STARD13: variants seen among roughly 807,000 people sequenced by gnomAD.
STARD13 encodes the protein stAR-related lipid transfer protein 13.
A neutral mutation model predicts 106.4 loss-of-function variants in STARD13; 62 were observed. The ratio of observed to expected loss-of-function variants is 0.58; its 90% CI spans 0.48 to 0.72. The LOEUF is 0.72. Among genes scored for constraint, STARD13 ranks in the 30% least tolerant of loss-of-function variants. The pLI, the probability that STARD13 is intolerant of heterozygous loss-of-function variation, is 0.00. For missense variants in STARD13, 1,387 were observed against 1,424.0 expected (o/e 0.97, Z 0.42); for synonymous variants, 565 against 553.0 (o/e 1.02, Z -0.31).
chr13:33,264,901 T>C (rs781177394), intron 1 of STARD13, among the ~76,000 whole-genome samples: 1 of 152,152 alleles, frequency 6.6e-6, no homozygotes, highest in Non-Finnish European at 1.5e-5. Context: ...CCCGTCTTGA[T>C]GAAGAGAAAT....
chr13:33,493,627 C>CT, the STARD13 span, among the ~76,000 whole-genome samples: 1 of 152,122 alleles, frequency 6.6e-6, no homozygotes, highest in Non-Finnish European at 1.5e-5. Flanking sequence ...GAATGCTGTA[C>CT]TTTCTGCTTA....
intron 8 of STARD13, among the ~76,000 whole-genome samples, chr13:33,116,945 A>G (rs770267): frequency 0.87 from 132,830 of 152,238 alleles, 58,348 homozygotes; most frequent in African/African-American, 0.97. Context: ...CTTCAAATTG[A>G]ATCAAGTCCA....
the STARD13 span, among the ~76,000 whole-genome samples, chr13:33,533,501 A>C: frequency 6.6e-6 from 1 of 152,340 alleles, no homozygotes; most frequent in South Asian, 2.1e-4. Flanking sequence ...AATCATTCAA[A>C]GTAGAGAAGA....
chr13:33,422,064 C>G, the STARD13 span, among the ~76,000 whole-genome samples: 8 of 152,090 alleles, frequency 5.3e-5, no homozygotes, highest in Admixed American at 5.2e-4. Context: ...TTCACCATTC[C>G]TATTCAACAC....
At chr13:33,657,205 G>A in the STARD13 span, among the ~76,000 whole-genome samples, 2 of 152,222 alleles carry the variant, frequency 1.3e-5, no homozygotes, top group Non-Finnish European at 2.9e-5. Context: ...GGGAGGCAGA[G>A]CTTGCAATGA....
In STARD13 at chr13:33,127,427, C is replaced by A; in HGVS notation, c.1868G>T (p.Arg623Leu). The A allele has an allele frequency of 6.2e-7, 1 of 1,605,032 alleles. No homozygotes were observed. The highest frequency in any genetic ancestry group is 8.5e-7 in the Non-Finnish European group (1 of 1,178,370). Residue 623 changes from arginine (R) to leucine (L), a missense_variant, in exon 6 of 14, where the codon CGC becomes CTC. Physicochemically the swap from Arg to Leu is moderately radical, Grantham distance 102 (BLOSUM62 -2). Coordinates refer to ENST00000336934, the MANE Select transcript of STARD13 (RefSeq NM_178006.4). ...LSLLQRFSLLRLTAIMEKHSM... is the reference protein window; with the variant it reads ...LSLLQRFSLLLLTAIMEKHSM... ...GTGCTTCTCCATGATGGCCGTGAGG[C>A]GGAGCAGTGAGAAGCGCTGGAGCAG...
chr13:33,269,098 TA>T (rs891105178), intron 1 of STARD13, among the ~76,000 whole-genome samples: 3 of 151,832 alleles, frequency 2.0e-5, no homozygotes, highest in Non-Finnish European at 2.9e-5. Flanking sequence ...ACTCAGAAGA[TA>T]AAAAAAAGTT....
At position 33,150,722 on chromosome 13, in the gene STARD13, C is replaced by A. The variant is rs183117943; in HGVS notation, c.324-8349G>T. Among the ~76,000 whole-genome samples, 249 of 152,284 alleles carry A rather than the reference C, an allele frequency of 1.6e-3. 4 individuals are homozygous for A. Among genetic ancestry groups the A allele is most frequent in the Admixed American group, 0.015 (233 of 15,302 alleles). On this transcript the variant is annotated intron_variant, in intron 3 of 13. Coordinates refer to ENST00000336934, the MANE Select transcript of STARD13 (RefSeq NM_178006.4). ...TTAACCTAAACACAGCAGTTTGACCCTTTCAGAAGATAATGATACTGCTGC... is the reference window on the plus strand; with the variant it reads ...TTAACCTAAACACAGCAGTTTGACCATTTCAGAAGATAATGATACTGCTGC...
At chr13:33,393,221 T>G in the STARD13 span, among the ~76,000 whole-genome samples, 2 of 151,844 alleles carry the variant, frequency 1.3e-5, no homozygotes, top group Non-Finnish European at 2.9e-5. Flanking sequence ...ATAAGAAAAA[T>G]TAAAAACAAA....
At chr13:33,112,663 A>G in intron 9 of STARD13, 58 bp downstream of exon 9, 1 of 1,377,546 alleles carries the variant, frequency 7.3e-7, no homozygotes, top group Admixed American at 2.1e-5. Flanking sequence ...ATCCAGTCTT[A>G]TGAACTGTGG....
chr13:33,463,560 G>A, the STARD13 span, among the ~76,000 whole-genome samples: 1 of 152,094 alleles, frequency 6.6e-6, no homozygotes, highest in African/African-American at 2.4e-5. Flanking sequence ...CTCCAGAGTC[G>A]AGTCCTGCCT....
At chr13:33,485,464 C>T in the STARD13 span, among the ~76,000 whole-genome samples, 1 of 152,006 alleles carries the variant, frequency 6.6e-6, no homozygotes, top group Non-Finnish European at 1.5e-5. Context: ...GGCATAAACT[C>T]ATTAGAAAAC....
At chr13:33,495,529 T>TA in the STARD13 span, among the ~76,000 whole-genome samples, 1 of 152,170 alleles carries the variant, frequency 6.6e-6, no homozygotes, top group Non-Finnish European at 1.5e-5. Flanking sequence ...TACTTTCTTA[T>TA]TAGTCTTGAG....
intron 1 of STARD13, among the ~76,000 whole-genome samples, chr13:33,298,966 A>T (rs1892606933): frequency 6.6e-6 from 1 of 152,248 alleles, no homozygotes; most frequent in Non-Finnish European, 1.5e-5. Flanking sequence ...CAGCTTTAAA[A>T]ATACAGTCTT....
the STARD13 span, among the ~76,000 whole-genome samples, chr13:33,401,623 C>T: frequency 6.6e-6 from 1 of 152,220 alleles, no homozygotes; most frequent in African/African-American, 2.4e-5. Flanking sequence ...TCTCTCCTCA[C>T]TAGGAATCAG....
At chr13:33,566,801 C>G in the STARD13 span, among the ~76,000 whole-genome samples, 3 of 147,936 alleles carry the variant, frequency 2.0e-5, no homozygotes, top group African/African-American at 7.4e-5. Flanking sequence ...CTATGTGATC[C>G]TTGCTGTGTC....
At chr13:33,184,369 T>C (rs1480778858) in intron 1 of STARD13, among the ~76,000 whole-genome samples, 1 of 152,234 alleles carries the variant, frequency 6.6e-6, no homozygotes, top group Non-Finnish European at 1.5e-5. Flanking sequence ...CGGCTGCTGC[T>C]GCTGCTGCTG....
At chr13:33,292,223 G>A (rs914945880) in intron 1 of STARD13, among the ~76,000 whole-genome samples, 2 of 151,988 alleles carry the variant, frequency 1.3e-5, no homozygotes, top group African/African-American at 4.8e-5. Context: ...CAAAAACCCA[G>A]TTACAAAATT....
the STARD13 span, among the ~76,000 whole-genome samples, chr13:33,384,461 C>A: frequency 1.3e-5 from 2 of 152,040 alleles, no homozygotes; most frequent in African/African-American, 4.8e-5. Flanking sequence ...TGTCCACTGG[C>A]CCGAGAAAGC....
Sources: gnomAD v4.1 joint callset for allele counts (sites outside exome capture counted in the v4.1 genomes callset) on GRCh38, gnomAD v4.1.1 for gene constraint, MANE v1.5 for transcripts, NCBI Gene and HGNC (gene_info 2026-07-23, HGNC 2026-07-21) for gene names.